Variants in GMIP observed in about 807,000 individuals in gnomAD.
The protein encoded by GMIP is GEM interacting protein.
Under a neutral mutation model 105.3 loss-of-function variants are expected in GMIP, and 54 were observed. The observed-to-expected ratio is 0.51, with a 90% CI of 0.41 to 0.64. The LOEUF is 0.64. Among genes scored for constraint, GMIP ranks in the 30% least tolerant of loss-of-function variants. The pLI, the probability that GMIP is intolerant of heterozygous loss-of-function variation, is 0.00. For missense variants in GMIP, 1,110 were observed against 1,319.4 expected, an observed-to-expected ratio of 0.84 and a Z score of 2.46; for synonymous variants, 541 against 560.8, an observed-to-expected ratio of 0.96 and a Z score of 0.50.
intron 19 of GMIP, among the ~76,000 whole-genome samples, chr19:19,632,541 A>T (rs986238378): frequency 1.3e-5 from 2 of 152,210 alleles, no homozygotes; most frequent in African/African-American, 2.4e-5. Flanking sequence ...TCCAAAAAAA[A>T]ATAAAAGATT....
At position 19,634,756 on chromosome 19, in the gene GMIP, C is replaced by G. The variant is rs750051996; in HGVS notation, c.1887+36G>C. On this transcript the variant is annotated intron_variant, in intron 17 of 20. Coordinates refer to ENST00000203556, the MANE Select transcript of GMIP (RefSeq NM_016573.4). This position sits in a 1 kb window ranked among gnomAD's most constrained non-coding sequence, Gnocchi z 6.1. Reference sequence around the variant, plus strand: ...GAGTGTGGGTGGGCTGTGGAGGGCTCCTGCCCGCGTCCCCCTCAGTGTCCT... The same window carrying G: ...GAGTGTGGGTGGGCTGTGGAGGGCTGCTGCCCGCGTCCCCCTCAGTGTCCT... 12 of 1,611,102 alleles carry G rather than the reference C, an allele frequency of 7.4e-6. No individual in the cohort carries two copies. In the South Asian group the frequency reaches 1.3e-4, roughly 18 times the overall value.
chr19:19,634,048 C>T lies in GMIP; in HGVS notation c.2227G>A (p.Ala743Thr), dbSNP rs775158259. ...ACGATGAGGAACTCCACAAGCTGGG[C>T]CTGATGCCCAGAGTCCAGCAGGCAG... The part of the protein sequence containing the change: ...VTCLLDSGHQ[A>T]QLVEFLIVHY... The change falls in exon 19 of 21, where the codon GCC becomes ACC. Residue 743 changes from alanine (A) to threonine (T), a missense_variant. Ala to Thr is a moderately conservative substitution (Grantham distance 58). This residue lies in a region of GMIP where 394 missense variants were observed against 450.5 expected (regional missense o/e 0.87). Coordinates refer to ENST00000203556, the MANE Select transcript of GMIP (RefSeq NM_016573.4). This position sits in a 1 kb window ranked among gnomAD's most constrained non-coding sequence, Gnocchi z 6.1. 2.5e-6 allele frequency: 4 copies of T among 1,613,574 alleles called. No individual in the cohort carries two copies. The highest frequency in any genetic ancestry group is 2.5e-6 in the Non-Finnish European group (3 of 1,179,846).
chr19:19,640,798 T>G (rs1345244358), intron 4 of GMIP, among the ~76,000 whole-genome samples: 1 of 152,192 alleles, frequency 6.6e-6, no homozygotes, highest in East Asian at 1.9e-4. Flanking sequence ...TGTGTTTCGC[T>G]CTTGTTGCCC....
At position 19,634,956 on chromosome 19, in the gene GMIP, A is replaced by G. The variant is rs113298491; in HGVS notation, c.1750-27T>C. On this transcript the variant is annotated intron_variant, in intron 16 of 20. Transcript: ENST00000203556. The surrounding 1 kb of genome is among the most constrained non-coding windows in gnomAD (Gnocchi z 6.1). ...TGCAGGGTGAGGGTGAAAAACAGAC[A>G]CCTGGTTCGTGATAGGCCATCGATT... The G allele has an allele frequency of 0.015, 23,456 of 1,613,434 alleles. 309 individuals carry two copies. The highest frequency in any genetic ancestry group is 0.065 in the Middle Eastern group (396 of 6,062).
Position 19,643,413 on chromosome 19 carries a change from C to T in GMIP, c.19+98G>A. The T allele has an allele frequency of 1.7e-6, 2 of 1,168,732 alleles. 1 individual carries two copies. The highest frequency in any genetic ancestry group is 2.7e-5 in the South Asian group (2 of 73,840). 72.4% of individuals were successfully genotyped at this position (1,168,732 alleles called of 1,614,324 possible). A position where few individuals can be genotyped will look rare whatever the true frequency, so the allele number is the denominator to read the frequency against. Reference sequence around the variant, plus strand: ...GGGTCCTTCCCATTCAGGAACTCCTCTCCTGGCTCTCAGGACGGAGCGGGA... The same window carrying T: ...GGGTCCTTCCCATTCAGGAACTCCTTTCCTGGCTCTCAGGACGGAGCGGGA... On this transcript the variant is annotated intron_variant, in intron 1 of 20. Coordinates refer to ENST00000203556, the MANE Select transcript of GMIP (RefSeq NM_016573.4).
Position 19,638,426 on chromosome 19 carries a change from C to T in GMIP, c.594G>A (p.Gln198=). ...IEKWRKEFKE[Q]WMKEQKRMNE... Reference sequence around the variant, plus strand: ...CCATCCGCTTCTGCTCCTTCATCCACTGCTCCTTGAACTCCTTCCGCCACT... The same window carrying T: ...CCATCCGCTTCTGCTCCTTCATCCATTGCTCCTTGAACTCCTTCCGCCACT... Residue 198 remains glutamine (Q), a synonymous_variant, in exon 8 of 21, where the codon CAG becomes CAA. Coordinates refer to ENST00000203556, the MANE Select transcript of GMIP (RefSeq NM_016573.4). The T allele has an allele frequency of 6.2e-7, 1 of 1,614,208 alleles. No individual in the cohort carries two copies. The highest frequency in any genetic ancestry group is 8.5e-7 in the Non-Finnish European group (1 of 1,180,030).
chr19:19,639,485 T>C (rs886248150), intron 7 of GMIP, among the ~76,000 whole-genome samples: 16 of 151,950 alleles, frequency 1.1e-4, no homozygotes, highest in African/African-American at 3.9e-4. Flanking sequence ...TCCTTTCTGC[T>C]TGGAAGCAGA....
chr19:19,633,731 G>T, intron 19 of GMIP, 72 bp downstream of exon 19: 1 of 1,122,952 alleles, frequency 8.9e-7, no homozygotes, highest in Non-Finnish European at 1.2e-6. Context: ...AGGAAGGAAG[G>T]TGAAAGAGAA....
Position 19,634,824 on chromosome 19 carries a change from C to T in GMIP, c.1855G>A (p.Val619Ile), listed in dbSNP as rs142420225. Residue 619 changes from valine (V) to isoleucine (I), a missense_variant, in exon 17 of 21, where the codon GTC (valine) becomes ATC (isoleucine). Physicochemically the swap from Val to Ile is conservative, Grantham distance 29. This residue lies in a region of GMIP where 49 missense variants were observed against 95.6 expected (regional missense o/e 0.51). Coordinates refer to ENST00000203556, the MANE Select transcript of GMIP (RefSeq NM_016573.4). The surrounding 1 kb of genome is among the most constrained non-coding windows in gnomAD (Gnocchi z 6.1). ...VELSGNSPHD[V>I]SSVLKRFLQE... ...AGAAATCGCTTGAGGACACTCGAGA[C>T]GTCATGAGGCGAGTTCCCCGACAGC... 64 of 1,613,816 alleles carry T rather than the reference C, an allele frequency of 4.0e-5. 1 individual carries two copies. The African/African-American group carries it at 6.7e-4, about 17-fold the overall frequency.
rs1042568692 is a variant in GMIP, at chr19:19,635,839, A to G, written c.1328-118T>C. ...TCAGAGGTCAGGAGGGGGATTGGAC[A>G]GGTCAGTGGTTAAGGGTTGGAGAAT... On this transcript the variant is annotated intron_variant, in intron 13 of 20. Transcript: ENST00000203556. This position sits in a 1 kb window ranked among gnomAD's most constrained non-coding sequence, Gnocchi z 4.7. The G allele has an allele frequency of 1.2e-6, 1 of 812,802 alleles. No homozygotes were observed. Among genetic ancestry groups the G allele is most frequent in the Non-Finnish European group, 2.1e-6 (1 of 478,800 alleles). The allele number at this position is 812,802 out of a possible 1,614,324, so 50.3% of individuals were successfully genotyped here. A position where few individuals can be genotyped will look rare whatever the true frequency, so the allele number is the denominator to read the frequency against.
At chr19:19,643,295 G>A (rs951477994) in intron 1 of GMIP, 2 of 475,536 alleles carry the variant, frequency 4.2e-6, no homozygotes, top group Non-Finnish European at 7.7e-6. Flanking sequence ...TCCCCCAGGC[G>A]TCTGGGGTGA....
intron 2 of GMIP, among the ~76,000 whole-genome samples, chr19:19,642,309 C>A (rs1428732774): frequency 6.6e-6 from 1 of 151,890 alleles, no homozygotes. Flanking sequence ...TAAGGGGTTA[C>A]AAGGATATGT....
Position 19,635,589 on chromosome 19 carries a change from G to C in GMIP, c.1406-20C>G, listed in dbSNP as rs1310766267. On this transcript the variant is annotated intron_variant, in intron 14 of 20. Transcript: ENST00000203556. The surrounding 1 kb of genome is among the most constrained non-coding windows in gnomAD (Gnocchi z 4.7). Reference sequence around the variant, plus strand: ...CCAGGTCTGCAGGGAGACAGGGTCAGGAGTGCCTGGTGCCCTGCCCTGTCC... The same window carrying C: ...CCAGGTCTGCAGGGAGACAGGGTCACGAGTGCCTGGTGCCCTGCCCTGTCC... The C allele has an allele frequency of 1.9e-6, 3 of 1,613,658 alleles. No homozygotes were observed. The highest frequency in any genetic ancestry group is 2.5e-6 in the Non-Finnish European group (3 of 1,179,688).
Position 19,638,485 on chromosome 19 carries a change from G to A in GMIP, c.538-3C>T, listed in dbSNP as rs780117630. 3 of 1,613,434 alleles carry A rather than the reference G, an allele frequency of 1.9e-6. No individual in the cohort carries two copies. Among genetic ancestry groups the A allele is most frequent in the African/African-American group, 2.7e-5 (2 of 74,910 alleles). Reference sequence around the variant, plus strand: ...TCAGTCCGTTTGGCGGCGAGGGGCTGGCAAGGGTTGGGGATGGGGATGGAG... The same window carrying A: ...TCAGTCCGTTTGGCGGCGAGGGGCTAGCAAGGGTTGGGGATGGGGATGGAG... On this transcript the variant is annotated splice_region_variant and splice_polypyrimidine_tract_variant and intron_variant, in intron 7 of 20. Transcript: ENST00000203556.
Position 19,630,057 on chromosome 19 carries a change from G to A in GMIP, c.2819C>T (p.Thr940Ile). ...GTCCAATTTCGAGAGTAGCCGGGCT[G>A]TCTCCTGGGTAATCTCAAAATGCTT... ...LPKHFEITQE[T>I]ARLLSKLDSE... Residue 940 changes from threonine (T) to isoleucine (I), a missense_variant, in exon 21 of 21, where the codon ACA becomes ATA. By Grantham distance (89) the Thr-to-Ile change is moderately conservative. Around this residue, in one of 3 missense-constraint regions of GMIP, gnomAD observed 394 missense variants for 450.5 expected, o/e 0.87. Coordinates refer to ENST00000203556, the MANE Select transcript of GMIP (RefSeq NM_016573.4). The surrounding 1 kb of genome is among the most constrained non-coding windows in gnomAD (Gnocchi z 4.8). The A allele has an allele frequency of 6.2e-7, 1 of 1,609,752 alleles. No homozygotes were observed. The highest frequency in any genetic ancestry group is 1.3e-5 in the African/African-American group (1 of 75,010).
intron 19 of GMIP, among the ~76,000 whole-genome samples, chr19:19,632,855 C>T (rs763298315): frequency 6.6e-6 from 1 of 152,128 alleles, no homozygotes; most frequent in Non-Finnish European, 1.5e-5. Context: ...CAGGCACGAT[C>T]CTACCTCAGG....
intron 7 of GMIP, among the ~76,000 whole-genome samples, chr19:19,639,777 A>G (rs2061898583): frequency 6.6e-6 from 1 of 152,166 alleles, no homozygotes; most frequent in Non-Finnish European, 1.5e-5. Context: ...TGAACCCAAG[A>G]AGCGGAGGTT....
At chr19:19,638,647 T>A (rs1192886735) in intron 7 of GMIP, among the ~76,000 whole-genome samples, 165 bp from the exon 8 acceptor site, 3 of 151,534 alleles carry the variant, frequency 2.0e-5, no homozygotes, top group Non-Finnish European at 4.4e-5. Context: ...GGAGTGCAAG[T>A]GGGCAATCAT....
chr19:19,638,778 C>CT (rs554304896), intron 7 of GMIP, among the ~76,000 whole-genome samples: 2,238 of 132,260 alleles, frequency 0.017, 68 homozygotes, highest in Admixed American at 0.07. Context: ...ACAATTTCTT[C>CT]TTTTTTTTTT....
Sources: gnomAD v4.1 joint callset for allele counts (sites outside exome capture counted in the v4.1 genomes callset) on GRCh38, gnomAD v4.1.1 for gene constraint, gnomAD v4.1.1 regional missense constraint, Gnocchi (gnomAD v3.1) non-coding constraint, MANE v1.5 for transcripts, NCBI Gene and HGNC (gene_info 2026-07-23, HGNC 2026-07-21) for gene names.